ATP10D: variants seen among roughly 807,000 people sequenced by gnomAD.
ATP10D encodes the protein ATPase phospholipid transporting 10D (putative).
In ATP10D, 89 loss-of-function variants were observed where a neutral mutation model predicts 144.8. The ratio of observed to expected loss-of-function variants is 0.61; its 90% CI spans 0.52 to 0.73. The LOEUF (loss-of-function observed/expected upper bound fraction) is 0.73. ATP10D is among the 30% of genes least tolerant of loss of function. The pLI is 0.00. For synonymous variants in ATP10D, 571 were observed against 615.1 expected (o/e 0.93, Z 1.06); for missense variants, 1,603 against 1,714.8 (o/e 0.93, Z 1.15).
chr4:47,581,591 A>G (rs1373641166), intron 20 of ATP10D, among the ~76,000 whole-genome samples: 1 of 152,178 alleles, frequency 6.6e-6, no homozygotes, highest in Non-Finnish European at 1.5e-5. Context: ...TTGAAGACAT[A>G]TAGGAAAGGA....
rs542290628 is a variant in ATP10D at position 47,581,904 on chromosome 4, T to A, written c.3649-56T>A. 3.6e-6 allele frequency: 5 copies of A among 1,392,416 alleles called. No individual in the cohort carries two copies. In the African/African-American group the frequency reaches 5.7e-5, roughly 16 times the overall value. The allele number at this position is 1,392,416 out of a possible 1,614,324, so 86.3% of individuals were successfully genotyped here. ...TGGTTGAGCTGTAGATAAAGTGATG[T>A]TACCCACACCAAGTTGCACAACTCT... On this transcript the variant is annotated intron_variant, in intron 20 of 22. Transcript: ENST00000273859.
intron 13 of ATP10D, 129 bp from the exon 14 acceptor site, chr4:47,560,820 C>A: frequency 8.5e-7 from 1 of 1,171,584 alleles, no homozygotes; most frequent in Non-Finnish European, 1.2e-6. Flanking sequence ...ATGGATCTGA[C>A]ATGGCTGTGC....
In ATP10D at chr4:47,557,854, T is replaced by C. The variant is rs558782821; in HGVS notation, c.2015T>C (p.Val672Ala). 3 of 1,614,078 alleles carry C rather than the reference T, an allele frequency of 1.9e-6. No individual in the cohort carries two copies. The highest frequency in any genetic ancestry group is 2.5e-6 in the Non-Finnish European group (3 of 1,180,046). Reference protein sequence around the residue: ...LFSRMKPASPVEEEVSQVCES... With the variant: ...LFSRMKPASPAEEEVSQVCES... ...AGTCGAATGAAACCAGCTTCACCTG[T>C]GGAGGAAGAGGTCTCCCAGGTGTGT... Residue 672 changes from valine (V) to alanine (A), a missense_variant, in exon 12 of 23, where the codon GTG becomes GCG. Physicochemically the swap from Val to Ala is moderately conservative, Grantham distance 64. Transcript: ENST00000273859.
intron 1 of ATP10D, among the ~76,000 whole-genome samples, chr4:47,492,740 A>G (rs1389285218): frequency 6.6e-6 from 1 of 152,138 alleles, no homozygotes; most frequent in African/African-American, 2.4e-5. Context: ...ACATTTTCGA[A>G]ATTAATTAAA....
chr4:47,568,856 T>C lies in ATP10D; in HGVS notation c.2873T>C (p.Met958Thr), dbSNP rs754442232. 1.2e-6 allele frequency: 2 copies of C among 1,613,878 alleles called. No homozygotes were observed. Among genetic ancestry groups the C allele is most frequent in the South Asian group, 1.1e-5 (1 of 91,072 alleles). Residue 958 changes from methionine (M) to threonine (T), a missense_variant, in exon 16 of 23, where the codon ATG (methionine) becomes ACG (threonine). Coordinates refer to ENST00000273859, the MANE Select transcript of ATP10D (RefSeq NM_020453.4). The part of the protein sequence containing the change: ...TQSKDACGML[M>T]STILKELQKK... ...TTCAAGGATGCCTGTGGGATGCTGA[T>C]GAGCACAATTTTGAAAGAACTTCAG...
In ATP10D at chr4:47,536,451, C is replaced by G. The variant is rs139274170; in HGVS notation, c.1030C>G (p.Leu344Val). The change falls in exon 8 of 23, where the codon CTG becomes GTG. Residue 344 changes from leucine (L) to valine (V), a missense_variant. Coordinates refer to ENST00000273859, the MANE Select transcript of ATP10D (RefSeq NM_020453.4). ...LTGAVGHGIW[L>V]SRYEKMHFFN... ...TTTTTTGAAAGGTCATGGAATCTGG[C>G]TGAGCAGGTATGAAAAGATGCATTT... is the stretch of plus-strand genomic sequence containing the variant. 1.9e-5 allele frequency: 31 copies of G among 1,613,466 alleles called. 1 individual carries two copies. In the African/African-American group the frequency reaches 2.5e-4, roughly 13 times the overall value.
At chr4:47,499,019 C>T (rs1006768057) in intron 1 of ATP10D, among the ~76,000 whole-genome samples, 4 of 152,150 alleles carry the variant, frequency 2.6e-5, no homozygotes, top group East Asian at 1.9e-4. Context: ...TAAATGAGCA[C>T]GTATCTGTGT....
chr4:47,511,264 A>C (rs1716310148), intron 1 of ATP10D, among the ~76,000 whole-genome samples: 1 of 151,596 alleles, frequency 6.6e-6, no homozygotes, highest in African/African-American at 2.4e-5. Flanking sequence ...AATATTTTAG[A>C]GGCCAAAATC....
chr4:47,535,505 A>G lies in ATP10D; in HGVS notation c.777-4A>G, dbSNP rs748568495. On this transcript the variant is annotated splice_region_variant and splice_polypyrimidine_tract_variant and intron_variant, in intron 5 of 22. Coordinates refer to ENST00000273859, the MANE Select transcript of ATP10D (RefSeq NM_020453.4). Reference sequence around the variant, plus strand: ...AGTGAATTTATATGCTGTCTTTCTTATAGAGAACATTCCAACAAAGAACGC... The same window carrying G: ...AGTGAATTTATATGCTGTCTTTCTTGTAGAGAACATTCCAACAAAGAACGC... 6.2e-7 allele frequency: 1 copy of G among 1,605,890 alleles called. No homozygotes were observed. The highest frequency in any genetic ancestry group is 1.7e-5 in the Admixed American group (1 of 58,390).
intron 15 of ATP10D, among the ~76,000 whole-genome samples, chr4:47,567,867 A>G (rs557376738): frequency 9.2e-5 from 14 of 152,346 alleles, no homozygotes; most frequent in Admixed American, 7.2e-4. Flanking sequence ...TTGATAAAAC[A>G]GCATTTAAAA....
intron 10 of ATP10D, among the ~76,000 whole-genome samples, chr4:47,552,561 C>A (rs1718780428): frequency 6.6e-6 from 1 of 152,176 alleles, no homozygotes; most frequent in African/African-American, 2.4e-5. Context: ...CTAATTATCC[C>A]CAAAGAGCCC....
chr4:47,560,805 A>C, intron 13 of ATP10D, 144 bp from the exon 14 acceptor site: 1 of 966,884 alleles, frequency 1.0e-6, no homozygotes, highest in Non-Finnish European at 1.6e-6. Context: ...AGGTGGTGTG[A>C]GGATATGGAT....
At chr4:47,574,129 C>T (rs1056630173) in intron 18 of ATP10D, among the ~76,000 whole-genome samples, 2 of 152,134 alleles carry the variant, frequency 1.3e-5, no homozygotes, top group African/African-American at 4.8e-5. Context: ...TATTTTAAAC[C>T]TTTGCATTTG....
chr4:47,591,387 C>A lies in ATP10D; in HGVS notation c.*6C>A. 1 of 1,571,638 alleles carries A rather than the reference C, an allele frequency of 6.4e-7. No homozygotes were observed. Among genetic ancestry groups the A allele is most frequent in the South Asian group, 1.2e-5 (1 of 84,914 alleles). ...CCAAAGGTAAAGAAAGCTAGATACC[C>A]TCCTTGGAGTTGCAAGTATTCTTTC... On this transcript the variant is annotated 3_prime_UTR_variant, in exon 23 of 23. Coordinates refer to ENST00000273859, the MANE Select transcript of ATP10D (RefSeq NM_020453.4).
At chr4:47,555,547 GGT>G (rs1234811109) in intron 11 of ATP10D, among the ~76,000 whole-genome samples, 2 of 152,106 alleles carry the variant, frequency 1.3e-5, no homozygotes, top group Non-Finnish European at 1.5e-5. Flanking sequence ...TTGTTGGGGA[GGT>G]GGGATTTGAA....
chr4:47,520,810 G>A (rs142841533), intron 3 of ATP10D, among the ~76,000 whole-genome samples: 20,984 of 152,002 alleles, frequency 0.14, 1,632 homozygotes, highest in South Asian at 0.24. Flanking sequence ...CCTGTGATCC[G>A]CCCCCCTCGG....
intron 10 of ATP10D, among the ~76,000 whole-genome samples, chr4:47,551,838 G>A (rs1427141410): frequency 1.3e-5 from 2 of 152,162 alleles, no homozygotes; most frequent in African/African-American, 4.8e-5. Flanking sequence ...TTGGATCTTG[G>A]GAGAAACAGC....
intron 10 of ATP10D, 55 bp from the exon 11 acceptor site, chr4:47,554,671 A>T: frequency 7.1e-7 from 1 of 1,404,724 alleles, no homozygotes. Flanking sequence ...ATGTTGATTT[A>T]AAACTAATTT....
chr4:47,518,583 C>A (rs1560420723), intron 3 of ATP10D, among the ~76,000 whole-genome samples: 1 of 152,062 alleles, frequency 6.6e-6, no homozygotes, highest in Non-Finnish European at 1.5e-5. Flanking sequence ...TATTTTCTGA[C>A]CTTTAAAAAT....
Sources: allele counts gnomAD v4.1 joint callset (sites outside exome capture counted in the v4.1 genomes callset), GRCh38; gene constraint gnomAD v4.1.1; transcripts MANE v1.5; gene names NCBI Gene and HGNC (gene_info 2026-07-23, HGNC 2026-07-21).